MAP3K20: variants seen among roughly 807,000 people sequenced by gnomAD.
MAP3K20 encodes mitogen-activated protein kinase kinase kinase 20, also known as HCCS-4.
MAP3K20 carries 40 observed loss-of-function variants against 85.7 expected under a neutral mutation model. That is an observed-to-expected ratio of 0.47 (90% confidence interval 0.36 to 0.61). The LOEUF is 0.61. Ranked by LOEUF, MAP3K20 falls within the 20% of genes least tolerant of loss-of-function variation. The pLI is 0.00. For missense variants in MAP3K20, 817 were observed against 961.7 expected (o/e 0.85, Z 1.99); for synonymous variants, 325 against 327.7 (o/e 0.99, Z 0.09).
chr2:173,096,150 C>T (rs1442206312), intron 2 of MAP3K20, among the ~76,000 whole-genome samples: 1 of 152,156 alleles, frequency 6.6e-6, no homozygotes, highest in East Asian at 1.9e-4. Flanking sequence ...TCTCCTTAAA[C>T]ACTTCATCCT....
chr2:173,099,779 T>TGCCTGTGACTCTC (rs1687581832), intron 2 of MAP3K20, among the ~76,000 whole-genome samples: 1 of 152,242 alleles, frequency 6.6e-6, no homozygotes, highest in South Asian at 2.1e-4. Context: ...TGACTCTGCA[T>TGCCTGTGACTCTC]TCCAGTGAGA....
rs1320517984 is a variant in MAP3K20 at position 173,203,558 on chromosome 2, G to A, written c.670-238G>A. Among the ~76,000 whole-genome samples the A allele has an allele frequency of 2.0e-5, 3 of 152,092 alleles. No homozygotes were observed. The East Asian group carries it at 5.8e-4, about 29-fold the overall frequency. On this transcript the variant is annotated intron_variant, in intron 8 of 19. Transcript: ENST00000375213. ...TATTTTATGTTTTGTTGCATTAGTT[G>A]TACTGAACCTGACTTCTCCGTTCAC...
chr2:173,182,258 T>A (rs780493546), intron 3 of MAP3K20, among the ~76,000 whole-genome samples: 1 of 152,150 alleles, frequency 6.6e-6, no homozygotes, highest in East Asian at 1.9e-4. Context: ...AGAGAACTAT[T>A]TGTAGTGATG....
At chr2:173,245,994 C>G (rs1222166697) in intron 16 of MAP3K20, among the ~76,000 whole-genome samples, 6 of 152,338 alleles carry the variant, frequency 3.9e-5, no homozygotes, top group African/African-American at 1.4e-4. Flanking sequence ...GACAATCAAA[C>G]TGGCAGAAAT....
intron 11 of MAP3K20, chr2:173,222,639 G>A (rs1038062101): frequency 4.0e-4 from 395 of 985,246 alleles, no homozygotes; most frequent in Non-Finnish European, 4.5e-4. Context: ...CATATGCTCA[G>A]CTATTTTAAA....
chr2:173,107,939 TTTCAGCATAAC>T (rs1451861399), intron 2 of MAP3K20, among the ~76,000 whole-genome samples: 10 of 152,302 alleles, frequency 6.6e-5, no homozygotes, highest in African/African-American at 2.2e-4. Context: ...GTTAGCACTA[TTTCAGCATAAC>T]TTGCTTTTTT....
At chr2:173,158,950 G>A (rs1190696052) in intron 2 of MAP3K20, among the ~76,000 whole-genome samples, 6 of 152,206 alleles carry the variant, frequency 3.9e-5, no homozygotes, top group African/African-American at 1.4e-4. Context: ...CACCTACTCT[G>A]TGTGCTGTTA....
In MAP3K20 at chr2:173,191,108, A is replaced by C; in HGVS notation, c.513A>C (p.Pro171=). ...TTHMSLVGTF[P]WMAPEVIQSL... Reference sequence around the variant, plus strand: ...ACATGTCCTTGGTTGGAACTTTCCCATGGATGGCTCCAGAAGTTATCCAGA... The same window carrying C: ...ACATGTCCTTGGTTGGAACTTTCCCCTGGATGGCTCCAGAAGTTATCCAGA... The change falls in exon 7 of 20, where the codon CCA becomes CCC. Residue 171 remains proline (P), a synonymous_variant. Transcript: ENST00000375213. 1 of 1,614,098 alleles carries C rather than the reference A, an allele frequency of 6.2e-7. No homozygotes were observed. Among genetic ancestry groups the C allele is most frequent in the Non-Finnish European group, 8.5e-7 (1 of 1,179,952 alleles).
At chr2:173,117,255 A>T (rs965263539) in intron 2 of MAP3K20, among the ~76,000 whole-genome samples, 8 of 152,094 alleles carry the variant, frequency 5.3e-5, no homozygotes, top group Non-Finnish European at 1.0e-4. Context: ...TGAAGCAGGG[A>T]TATGTAGTTT....
intron 16 of MAP3K20, among the ~76,000 whole-genome samples, chr2:173,258,003 T>A (rs923863385): frequency 1.3e-5 from 2 of 152,224 alleles, no homozygotes; most frequent in Non-Finnish European, 2.9e-5. Context: ...GGATCCTAAT[T>A]CTCAGCTGTT....
chr2:173,078,468 C>A (rs1411455658), intron 1 of MAP3K20, among the ~76,000 whole-genome samples: 4 of 152,166 alleles, frequency 2.6e-5, no homozygotes, highest in Non-Finnish European at 5.9e-5. Context: ...CCCCACTAGA[C>A]ACAAATAAGC....
intron 16 of MAP3K20, among the ~76,000 whole-genome samples, chr2:173,248,109 C>T (rs533863357): frequency 1.1e-4 from 16 of 152,164 alleles, no homozygotes; most frequent in South Asian, 4.2e-4. Context: ...GCTCCTGGGG[C>T]GGGGATTTTA....
At chr2:173,259,049 T>A (rs1685227383) in intron 17 of MAP3K20, among the ~76,000 whole-genome samples, 1 of 151,942 alleles carries the variant, frequency 6.6e-6, no homozygotes, top group Admixed American at 6.6e-5. Flanking sequence ...ATCGTTTAAT[T>A]TTTTTTTAAT....
chr2:173,093,599 A>T (rs1436204860), intron 2 of MAP3K20, among the ~76,000 whole-genome samples: 2 of 152,206 alleles, frequency 1.3e-5, no homozygotes, highest in African/African-American at 4.8e-5. Context: ...GTATTTACTT[A>T]AAATCTCTGT....
At chr2:173,097,056 A>G (rs1346574885) in intron 2 of MAP3K20, among the ~76,000 whole-genome samples, 1 of 152,186 alleles carries the variant, frequency 6.6e-6, no homozygotes, top group African/African-American at 2.4e-5. Context: ...AACATGACAA[A>G]GAGTTCATCA....
intron 2 of MAP3K20, among the ~76,000 whole-genome samples, chr2:173,091,486 C>T (rs3769202): frequency 0.032 from 4,884 of 152,246 alleles, 110 homozygotes; most frequent in Admixed American, 0.054. Context: ...TTTAGACCTT[C>T]CCAGGGTTCA....
chr2:173,221,132 T>G (rs1390358213), intron 11 of MAP3K20: 22 of 1,469,944 alleles, frequency 1.5e-5, no homozygotes, highest in Non-Finnish European at 2.0e-5. Context: ...ACTTCTGTCC[T>G]TTCTTCCCTT....
At chr2:173,102,764 C>A (rs2106162221) in intron 2 of MAP3K20, among the ~76,000 whole-genome samples, 1 of 152,296 alleles carries the variant, frequency 6.6e-6, no homozygotes, top group Non-Finnish European at 1.5e-5. Context: ...ACATGCCAAG[C>A]AGTGCTTCCA....
At chr2:173,125,824 G>A (rs1574036416) in intron 2 of MAP3K20, among the ~76,000 whole-genome samples, 1 of 151,908 alleles carries the variant, frequency 6.6e-6, no homozygotes, top group Non-Finnish European at 1.5e-5. Context: ...CACCACGCCC[G>A]GCTAATTTTT....
Sources: gnomAD v4.1 joint callset for allele counts (sites outside exome capture counted in the v4.1 genomes callset) on GRCh38, gnomAD v4.1.1 for gene constraint, MANE v1.5 for transcripts, NCBI Gene and HGNC (gene_info 2026-07-23, HGNC 2026-07-21) for gene names.